Variants in MBOAT1 observed in about 807,000 individuals in gnomAD.
MBOAT1 encodes membrane-bound glycerophospholipid O-acyltransferase 1.
Under a neutral mutation model 64.4 loss-of-function variants are expected in MBOAT1, and 67 were observed. The ratio of observed to expected loss-of-function variants is 1.04; its 90% CI spans 0.85 to 1.27. MBOAT1 has a LOEUF of 1.27. Among genes scored for constraint, MBOAT1 ranks in the 50% most tolerant of loss-of-function variants. The pLI, the probability that MBOAT1 is intolerant of heterozygous loss-of-function variation, is 0.00. For synonymous variants in MBOAT1, 229 were observed against 218.9 expected (o/e 1.05, Z -0.41); for missense variants, 563 against 604.6 (o/e 0.93, Z 0.72).
chr6:20,118,509 C>T lies in MBOAT1; in HGVS notation c.939G>A (p.Gly313=), dbSNP rs1760397157. 2 of 1,613,880 alleles carry T rather than the reference C, an allele frequency of 1.2e-6. No individual in the cohort carries two copies. The highest frequency in any genetic ancestry group is 1.7e-6 in the Non-Finnish European group (2 of 1,180,016). The change falls in exon 9 of 13, where the codon GGG becomes GGA. Residue 313 remains glycine, a synonymous_variant. Transcript: ENST00000324607. ...TCCCATTCTTATCCACTCCGCTGAA[C>T]CCAAAGCCAGCTGCGTTATTCACTG... ...ADAVNNAAGF[G]FSGVDKNGNF... is the part of the protein sequence containing the mutation.
intron 8 of MBOAT1, among the ~76,000 whole-genome samples, chr6:20,122,864 C>T (rs982029042): frequency 6.6e-6 from 1 of 151,988 alleles, no homozygotes; most frequent in African/African-American, 2.4e-5. Flanking sequence ...CAGAGTCTTG[C>T]TCCATCATCC....
In MBOAT1 at chr6:20,128,708, A is replaced by T; in HGVS notation, c.521T>A (p.Leu174His). Reference sequence around the variant, plus strand: ...GTTACACTTCACTTACTTGATAGCAAGTCGATGTTGTTCAGCAGAAAGGTC... The same window carrying T: ...GTTACACTTCACTTACTTGATAGCATGTCGATGTTGTTCAGCAGAAAGGTC... ...AEDLSAEQHRLAIKVKPSFLE... is the reference protein window; with the variant it reads ...AEDLSAEQHRHAIKVKPSFLE... Residue 174 changes from leucine to histidine, a missense_variant, in exon 6 of 13, where the codon CTT becomes CAT. Transcript: ENST00000324607. 6.2e-7 allele frequency: 1 copy of T among 1,610,148 alleles called. No homozygotes were observed. The highest frequency in any genetic ancestry group is 2.2e-5 in the East Asian group (1 of 44,800).
chr6:20,158,048 C>T (rs1225296010), intron 1 of MBOAT1, among the ~76,000 whole-genome samples: 1 of 150,800 alleles, frequency 6.6e-6, no homozygotes, highest in African/African-American at 2.4e-5. Flanking sequence ...CCCAGCTACT[C>T]GGGAGGCTGA....
chr6:20,190,887 C>T (rs1762783656), intron 1 of MBOAT1, among the ~76,000 whole-genome samples: 1 of 140,248 alleles, frequency 7.1e-6, no homozygotes, highest in African/African-American at 2.7e-5. Context: ...TCATCAACTC[C>T]AGCAGTGATC....
At chr6:20,178,977 T>C (rs181211436) in intron 1 of MBOAT1, among the ~76,000 whole-genome samples, 40 of 151,938 alleles carry the variant, frequency 2.6e-4, no homozygotes, top group Admixed American at 2.2e-3. Flanking sequence ...CTGTGCAGGA[T>C]GTGCAGGTTT....
chr6:20,170,923 A>C (rs1291040750), intron 1 of MBOAT1, among the ~76,000 whole-genome samples: 1 of 152,116 alleles, frequency 6.6e-6, no homozygotes, highest in Non-Finnish European at 1.5e-5. Context: ...TGAATGAATG[A>C]ATGAATGATA....
intron 8 of MBOAT1, among the ~76,000 whole-genome samples, chr6:20,119,347 T>C (rs796267008): frequency 3.3e-5 from 5 of 152,376 alleles, no homozygotes; most frequent in African/African-American, 1.2e-4. Flanking sequence ...CAACTCACTT[T>C]TTTTATTATG....
chr6:20,211,569 A>C (rs933687171), intron 1 of MBOAT1, among the ~76,000 whole-genome samples: 4 of 152,168 alleles, frequency 2.6e-5, no homozygotes, highest in Non-Finnish European at 4.4e-5. Context: ...CAGAAGCTCC[A>C]GCCCCAGGCA....
At chr6:20,164,384 G>T (rs1227179117) in intron 1 of MBOAT1, among the ~76,000 whole-genome samples, 1 of 151,974 alleles carries the variant, frequency 6.6e-6, no homozygotes, top group African/African-American at 2.4e-5. Flanking sequence ...AGATTGTGGT[G>T]GGCACTAAAT....
intron 1 of MBOAT1, among the ~76,000 whole-genome samples, chr6:20,171,627 C>G (rs1762200083): frequency 6.6e-6 from 1 of 152,208 alleles, no homozygotes; most frequent in African/African-American, 2.4e-5. Context: ...CAAACCCAAT[C>G]TGATTTCCAA....
chr6:20,140,064 C>T (rs1042406676), intron 4 of MBOAT1, among the ~76,000 whole-genome samples: 48 of 152,038 alleles, frequency 3.2e-4, no homozygotes, highest in African/African-American at 1.1e-3. Flanking sequence ...CACATAAGCC[C>T]CAGCCACTAT....
intron 1 of MBOAT1, among the ~76,000 whole-genome samples, chr6:20,157,684 C>T (rs1427300642): frequency 6.6e-6 from 1 of 151,898 alleles, no homozygotes; most frequent in Non-Finnish European, 1.5e-5. Flanking sequence ...TTATTAGCAC[C>T]CACTACAAAT....
intron 1 of MBOAT1, among the ~76,000 whole-genome samples, chr6:20,192,245 A>C (rs1762822710): frequency 3.3e-5 from 5 of 152,074 alleles, no homozygotes; most frequent in Admixed American, 3.3e-4. Flanking sequence ...AACAGTCAAA[A>C]ATTTTTTTCT....
At chr6:20,163,814 C>T (rs1365882549) in intron 1 of MBOAT1, among the ~76,000 whole-genome samples, 1 of 151,940 alleles carries the variant, frequency 6.6e-6, no homozygotes, top group Non-Finnish European at 1.5e-5. Context: ...AATTGGGGTA[C>T]AGAGGGTCAG....
intron 2 of MBOAT1, 129 bp downstream of exon 2, chr6:20,152,495 A>T: frequency 1.1e-6 from 1 of 927,024 alleles, no homozygotes; most frequent in Non-Finnish European, 1.6e-6. Flanking sequence ...ACTATAAGGT[A>T]TTTACAATAT....
In MBOAT1 at chr6:20,100,705, TTTC is replaced by T. The variant is rs1408435638; in HGVS notation, c.*1578_*1580del. On this transcript the variant is annotated 3_prime_UTR_variant, in exon 13 of 13. Transcript: ENST00000324607. Reference sequence around the variant, plus strand: ...AAAGCAATTATTCCCATCAGAAACATTTCTTTTATATGGGAACATACTGTTTAT... The same window carrying T: ...AAAGCAATTATTCCCATCAGAAACATTTTTATATGGGAACATACTGTTTAT... Among the ~76,000 whole-genome samples, 7 of 152,202 alleles carry T rather than the reference TTTC, an allele frequency of 4.6e-5. No individual in the cohort carries two copies. The highest frequency in any genetic ancestry group is 1.7e-4 in the African/African-American group (7 of 41,442).
intron 1 of MBOAT1, among the ~76,000 whole-genome samples, chr6:20,178,558 T>C (rs1362425389): frequency 6.6e-6 from 1 of 152,208 alleles, no homozygotes; most frequent in Non-Finnish European, 1.5e-5. Flanking sequence ...AAAGATCTCA[T>C]CCTTGCAATC....
intron 4 of MBOAT1, among the ~76,000 whole-genome samples, chr6:20,135,140 T>C (rs1231376189): frequency 6.6e-6 from 1 of 152,144 alleles, no homozygotes; most frequent in African/African-American, 2.4e-5. Context: ...ATCCACCATC[T>C]GACCAACCTG....
chr6:20,152,334 AAAAATAAAAAATAAAT>A (rs1333970345), intron 2 of MBOAT1, among the ~76,000 whole-genome samples: 1 of 57,602 alleles, frequency 1.7e-5, no homozygotes, highest in Non-Finnish European at 3.7e-5. Flanking sequence ...CTCAAAAAAA[AAAAATAAAAAATAAAT>A]AAATAAATAA....
Sources: gnomAD v4.1 joint callset for allele counts (sites outside exome capture counted in the v4.1 genomes callset) on GRCh38, gnomAD v4.1.1 for gene constraint, MANE v1.5 for transcripts, NCBI Gene and HGNC (gene_info 2026-07-23, HGNC 2026-07-21) for gene names.